The following ERC2 variants were observed in gnomAD, a reference collection of about 807,000 sequenced individuals.
ERC2 encodes ELKS/RAB6-interacting/CAST family member 2.
ERC2 carries 42 observed loss-of-function variants against 114.8 expected under a neutral mutation model. The ratio of observed to expected loss-of-function variants is 0.37; its 90% CI spans 0.29 to 0.47. ERC2 has a LOEUF of 0.47. ERC2 is among the 20% of genes least tolerant of loss of function. The probability of loss-of-function intolerance (pLI) is 0.99; values close to 1 mark genes in which losing one functional copy is unlikely to be tolerated. For missense variants in ERC2, 939 were observed against 1,150.7 expected, an observed-to-expected ratio of 0.82 and a Z score of 2.66; for synonymous variants, 454 against 425.5, an observed-to-expected ratio of 1.07 and a Z score of -0.82.
intron 14 of ERC2, among the ~76,000 whole-genome samples, chr3:55,831,942 C>T (rs1362402327): frequency 6.6e-6 from 1 of 152,226 alleles, no homozygotes; most frequent in Non-Finnish European, 1.5e-5. Flanking sequence ...AACGGCACAC[C>T]AGGAGATTAC....
At chr3:56,223,030 A>T (rs2050019001) in intron 3 of ERC2, among the ~76,000 whole-genome samples, 1 of 152,210 alleles carries the variant, frequency 6.6e-6, no homozygotes. Context: ...GCCTCTTCTC[A>T]TGACAGGAAT....
chr3:55,538,688 T>G (rs148906959), intron 17 of ERC2, among the ~76,000 whole-genome samples: 2 of 152,180 alleles, frequency 1.3e-5, no homozygotes, highest in Admixed American at 1.3e-4. Context: ...AAAGACAAGG[T>G]AAATCCCTCT....
At chr3:56,151,216 G>A (rs913681754) in intron 4 of ERC2, among the ~76,000 whole-genome samples, 3 of 151,940 alleles carry the variant, frequency 2.0e-5, no homozygotes, top group Non-Finnish European at 2.9e-5. Flanking sequence ...ACCAGCCTGC[G>A]CCACCAAGTA....
At chr3:56,416,160 G>A (rs1396479125) in intron 2 of ERC2, among the ~76,000 whole-genome samples, 6 of 152,124 alleles carry the variant, frequency 3.9e-5, no homozygotes, top group Non-Finnish European at 8.8e-5. Flanking sequence ...ATTCCTAGTA[G>A]GGGCTTTCTC....
At chr3:56,320,918 G>A (rs967372762) in intron 2 of ERC2, among the ~76,000 whole-genome samples, 1 of 152,130 alleles carries the variant, frequency 6.6e-6, no homozygotes, top group African/African-American at 2.4e-5. Context: ...TCAGGGTTTA[G>A]CTAGGGAAGT....
chr3:55,912,314 T>G (rs553258733), intron 13 of ERC2, among the ~76,000 whole-genome samples: 2 of 152,144 alleles, frequency 1.3e-5, no homozygotes, highest in African/African-American at 4.8e-5. Context: ...ATGATGACCA[T>G]GGAGGTTGCC....
At chr3:56,031,126 T>C (rs1323024418) in intron 7 of ERC2, among the ~76,000 whole-genome samples, 3 of 152,144 alleles carry the variant, frequency 2.0e-5, no homozygotes, top group Non-Finnish European at 2.9e-5. Flanking sequence ...CACATAGCCA[T>C]AGACCCAGGC....
At chr3:56,172,571 A>G (rs1343216055) in intron 4 of ERC2, among the ~76,000 whole-genome samples, 1 of 152,200 alleles carries the variant, frequency 6.6e-6, no homozygotes, top group African/African-American at 2.4e-5. Flanking sequence ...CACGGTGACC[A>G]GCAAACTCCC....
chr3:55,727,854 C>T (rs1444559362), intron 15 of ERC2, among the ~76,000 whole-genome samples: 2 of 152,054 alleles, frequency 1.3e-5, no homozygotes, highest in Non-Finnish European at 2.9e-5. Flanking sequence ...CCAAAATTGC[C>T]GCCACCCCAA....
At chr3:56,032,917 A>AAGAGAGAGAGAGAC (rs2074481749) in intron 7 of ERC2, among the ~76,000 whole-genome samples, 25 of 76,032 alleles carry the variant, frequency 3.3e-4, no homozygotes, top group Non-Finnish European at 5.5e-4. Flanking sequence ...GAAAGAAAGA[A>AAGAGAGAGAGAGAC]AGAAAGAAAG....
chr3:55,724,645 C>T (rs1370616187), intron 15 of ERC2, among the ~76,000 whole-genome samples: 1 of 152,130 alleles, frequency 6.6e-6, no homozygotes, highest in East Asian at 1.9e-4. Flanking sequence ...ACAATAAGAG[C>T]TCAAAAACTG....
At chr3:55,785,625 G>C (rs902612259) in intron 14 of ERC2, among the ~76,000 whole-genome samples, 41 of 152,178 alleles carry the variant, frequency 2.7e-4, no homozygotes, top group African/African-American at 9.7e-4. Flanking sequence ...GCCAGCAAGG[G>C]CTGCCTCTTG....
At chr3:56,103,018 A>G (rs2078443320) in intron 6 of ERC2, among the ~76,000 whole-genome samples, 2 of 152,226 alleles carry the variant, frequency 1.3e-5, no homozygotes, top group Non-Finnish European at 2.9e-5. Flanking sequence ...GGACAACTAA[A>G]TAAACATCCC....
At chr3:56,168,752 C>T (rs971786507) in intron 4 of ERC2, among the ~76,000 whole-genome samples, 6 of 152,156 alleles carry the variant, frequency 3.9e-5, no homozygotes, top group African/African-American at 1.2e-4. Flanking sequence ...GAAACTTAAC[C>T]CAGCTGCAGG....
chr3:55,674,376 A>G (rs1349622539), intron 17 of ERC2, among the ~76,000 whole-genome samples: 1 of 152,240 alleles, frequency 6.6e-6, no homozygotes, highest in Non-Finnish European at 1.5e-5. Flanking sequence ...GACCATCTGC[A>G]TAGGAAAAAT....
At chr3:56,317,618 T>G (rs988187631) in intron 2 of ERC2, among the ~76,000 whole-genome samples, 1 of 152,234 alleles carries the variant, frequency 6.6e-6, no homozygotes, top group African/African-American at 2.4e-5. Context: ...TACTGATCAT[T>G]TATATTTCAA....
intron 2 of ERC2, among the ~76,000 whole-genome samples, chr3:56,382,257 T>C (rs1345396602): frequency 1.3e-5 from 2 of 152,006 alleles, no homozygotes; most frequent in African/African-American, 4.8e-5. Context: ...CCCCTGCTCA[T>C]GGATACCACT....
chr3:55,879,046 G>A (rs1295990058), intron 14 of ERC2, among the ~76,000 whole-genome samples: 1 of 149,780 alleles, frequency 6.7e-6, no homozygotes, highest in Admixed American at 6.6e-5. Context: ...CCTAAACCAT[G>A]CAGTAACTTT....
chr3:55,768,695 G>A (rs1575543234), intron 14 of ERC2, among the ~76,000 whole-genome samples: 1 of 152,172 alleles, frequency 6.6e-6, no homozygotes, highest in Admixed American at 6.5e-5. Context: ...TGTAAACGCT[G>A]TGAGGCAAGT....
Sources: allele counts gnomAD v4.1 joint callset (sites outside exome capture counted in the v4.1 genomes callset), GRCh38; gene constraint gnomAD v4.1.1; transcripts MANE v1.5; gene names NCBI Gene and HGNC (gene_info 2026-07-23, HGNC 2026-07-21).